Variants in LAMTOR3 observed in about 807,000 individuals in gnomAD.
LAMTOR3 encodes the protein ragulator complex protein LAMTOR3.
Under a neutral mutation model 20.3 loss-of-function variants are expected in LAMTOR3, and 14 were observed. That is an observed-to-expected ratio of 0.69 (90% confidence interval 0.46 to 1.08). The LOEUF (loss-of-function observed/expected upper bound fraction) is 1.08, where lower values mean the gene tolerates loss of function less well. LAMTOR3 is among the 50% of genes least tolerant of loss of function. LAMTOR3 has a pLI of 0.00. For synonymous variants in LAMTOR3, 40 were observed against 49.4 expected, an observed-to-expected ratio of 0.81 and a Z score of 0.80; for missense variants, 125 against 143.7, an observed-to-expected ratio of 0.87 and a Z score of 0.67.
intron 3 of LAMTOR3, among the ~76,000 whole-genome samples, chr4:99,889,522 T>C (rs1724986865): frequency 6.6e-6 from 1 of 152,222 alleles, no homozygotes; most frequent in African/African-American, 2.4e-5. Flanking sequence ...GAACAGTGTA[T>C]AGAAGAAGCA....
At chr4:99,891,064 G>A (rs1725012990) in intron 3 of LAMTOR3, among the ~76,000 whole-genome samples, 4 of 151,994 alleles carry the variant, frequency 2.6e-5, no homozygotes, top group Admixed American at 2.0e-4. Flanking sequence ...CTTTCTGGTC[G>A]GTTTATAACT....
Position 99,881,156 on chromosome 4 carries a change from A to C in LAMTOR3, c.*838T>G, listed in dbSNP as rs1324349310. 5.9e-5 allele frequency: 9 copies of C among 152,210 alleles called. No individual in the cohort carries two copies. 9.4% of individuals were successfully genotyped at this position (152,210 alleles called of 1,614,324 possible). On this transcript the variant is annotated 3_prime_UTR_variant, in exon 7 of 7. Transcript: ENST00000499666. ...GAAAGAGTATATTAATTATGTTTAG[A>C]TTTTTGGAAAAAGTCTGAACAAAAA...
intron 5 of LAMTOR3, 97 bp downstream of exon 5, chr4:99,885,445 C>T: frequency 9.1e-7 from 1 of 1,100,360 alleles, no homozygotes; most frequent in Non-Finnish European, 1.2e-6. Flanking sequence ...CTCTTCAAAA[C>T]TAAAATTGAG....
rs1049685149 is a variant in LAMTOR3, at chr4:99,882,083, T to G, written c.302-16A>C. On this transcript the variant is annotated splice_polypyrimidine_tract_variant and intron_variant, in intron 6 of 6. Transcript: ENST00000499666. ...ACAATTAGTCCTAAAATAAAGAGAT[T>G]AAGAAAATTACATGTTAGAAAAATG... The G allele has an allele frequency of 4.7e-6, 7 of 1,497,496 alleles. No homozygotes were observed. The highest frequency in any genetic ancestry group is 1.4e-5 in the African/African-American group (1 of 69,658). 92.8% of individuals were successfully genotyped at this position (1,497,496 alleles called of 1,614,324 possible). A position where few individuals can be genotyped will look rare whatever the true frequency, so the allele number is the denominator to read the frequency against.
intron 3 of LAMTOR3, among the ~76,000 whole-genome samples, chr4:99,890,186 T>G (rs1724997329): frequency 6.6e-6 from 1 of 152,218 alleles, no homozygotes; most frequent in Non-Finnish European, 1.5e-5. Flanking sequence ...AAACAAATGT[T>G]GCATTACTAA....
In LAMTOR3 at chr4:99,881,811, C is replaced by A. The variant is rs576991769; in HGVS notation, c.*183G>T. On this transcript the variant is annotated 3_prime_UTR_variant, in exon 7 of 7. Transcript: ENST00000499666. ...CTCACTAAATAAGAAAGACCCTACA[C>A]CAGAAAATATAGCAACTGATCTATC... 5.3e-6 allele frequency: 3 copies of A among 568,692 alleles called. No individual in the cohort carries two copies. The highest frequency in any genetic ancestry group is 2.2e-5 in the South Asian group (1 of 46,094). The allele number at this position is 568,692 out of a possible 1,614,324, so 35.2% of individuals were successfully genotyped here.
At chr4:99,892,659 T>C (rs1234286162) in intron 2 of LAMTOR3, among the ~76,000 whole-genome samples, 1 of 151,558 alleles carries the variant, frequency 6.6e-6, no homozygotes, top group African/African-American at 2.4e-5. Flanking sequence ...AAATAAATTC[T>C]ATATGACTAT....
chr4:99,893,473 A>G (rs1725063511), intron 2 of LAMTOR3, among the ~76,000 whole-genome samples: 1 of 136,464 alleles, frequency 7.3e-6, no homozygotes, highest in South Asian at 2.1e-4. Flanking sequence ...TTATCCTCCT[A>G]CACACACACA....
chr4:99,892,580 A>G (rs1429198537), intron 2 of LAMTOR3, among the ~76,000 whole-genome samples: 1 of 152,180 alleles, frequency 6.6e-6, no homozygotes, highest in Non-Finnish European at 1.5e-5. Flanking sequence ...CACCTACTCA[A>G]CAAATAATGA....
intron 2 of LAMTOR3, among the ~76,000 whole-genome samples, chr4:99,893,214 A>G (rs978458596): frequency 2.0e-5 from 3 of 151,952 alleles, no homozygotes; most frequent in Non-Finnish European, 4.4e-5. Flanking sequence ...GGGTCTTGCT[A>G]TGTTGCCCAG....
Position 99,878,476 on chromosome 4 carries a change from C to T in LAMTOR3, c.*3518G>A, listed in dbSNP as rs183981336. 17 of 152,302 alleles carry T rather than the reference C, an allele frequency of 1.1e-4. No individual in the cohort carries two copies. The highest frequency in any genetic ancestry group is 6.5e-4 in the Admixed American group (10 of 15,294). The allele number at this position is 152,302 out of a possible 1,614,324, so 9.4% of individuals were successfully genotyped here. ...TACAATGAAGTTTACAATGAAAAGG[C>T]TCACTCCTGGGATCCTTATCCCCCA... On this transcript the variant is annotated 3_prime_UTR_variant, in exon 7 of 7. Transcript: ENST00000499666.
At position 99,892,046 on chromosome 4, in the gene LAMTOR3, C is replaced by T. The variant is rs1725032110; in HGVS notation, c.10-12G>A. The T allele has an allele frequency of 6.4e-7, 1 of 1,561,896 alleles. No homozygotes were observed. The highest frequency in any genetic ancestry group is 1.4e-5 in the African/African-American group (1 of 70,922). On this transcript the variant is annotated splice_polypyrimidine_tract_variant and intron_variant, in intron 2 of 6. Coordinates refer to ENST00000499666, the MANE Select transcript of LAMTOR3 (RefSeq NM_021970.4). ...AATCGCTTTAGGTCCTGAAAGAGAG[C>T]ATTAAAAAATAATGTTGTAATAATA...
In LAMTOR3 at chr4:99,881,426, A is replaced by G. The variant is rs1428614594; in HGVS notation, c.*568T>C. On this transcript the variant is annotated 3_prime_UTR_variant, in exon 7 of 7. Coordinates refer to ENST00000499666, the MANE Select transcript of LAMTOR3 (RefSeq NM_021970.4). ...TTTCATTAAAGAGCAGCACCCTCTG[A>G]GAATAATCAAACTGATTAGTAATAT... is the stretch of plus-strand genomic sequence containing the variant. 6.6e-6 allele frequency: 1 copy of G among 152,244 alleles called. No homozygotes were observed. The highest frequency in any genetic ancestry group is 1.5e-5 in the Non-Finnish European group (1 of 68,034). The allele number at this position is 152,244 out of a possible 1,614,324, so 9.4% of individuals were successfully genotyped here. A position where few individuals can be genotyped will look rare whatever the true frequency, so the allele number is the denominator to read the frequency against.
In LAMTOR3 at chr4:99,879,220, C is replaced by G. The variant is rs1205367428; in HGVS notation, c.*2774G>C. 6.6e-6 allele frequency: 1 copy of G among 152,036 alleles called. No homozygotes were observed. The highest frequency in any genetic ancestry group is 1.5e-5 in the Non-Finnish European group (1 of 68,008). 9.4% of individuals were successfully genotyped at this position (152,036 alleles called of 1,614,324 possible). A position where few individuals can be genotyped will look rare whatever the true frequency, so the allele number is the denominator to read the frequency against. On this transcript the variant is annotated 3_prime_UTR_variant, in exon 7 of 7. Transcript: ENST00000499666. ...GTCTTTTTTCTGGGTGAGTACATAC[C>G]ATTGATATCTAGTTGTGCATTCAGT...
intron 3 of LAMTOR3, among the ~76,000 whole-genome samples, chr4:99,890,024 C>T (rs539879122): frequency 2.4e-4 from 36 of 152,012 alleles, no homozygotes; most frequent in African/African-American, 7.5e-4. Context: ...ACATACAATG[C>T]GCAAAGAGTA....
intron 2 of LAMTOR3, among the ~76,000 whole-genome samples, chr4:99,892,617 G>A (rs1005085938): frequency 4.0e-5 from 6 of 151,180 alleles, no homozygotes; most frequent in Admixed American, 4.0e-4. Context: ...TTATTATAAC[G>A]TAATTTTTAA....
At chr4:99,882,476 T>A (rs1271715762) in intron 6 of LAMTOR3, among the ~76,000 whole-genome samples, 1 of 152,110 alleles carries the variant, frequency 6.6e-6, no homozygotes, top group Non-Finnish European at 1.5e-5. Flanking sequence ...CATTAATAAG[T>A]TTATTTTCAG....
At position 99,879,706 on chromosome 4, in the gene LAMTOR3, T is replaced by C. The variant is rs1438008100; in HGVS notation, c.*2288A>G. 2 of 150,110 alleles carry C rather than the reference T, an allele frequency of 1.3e-5. No individual in the cohort carries two copies. Among genetic ancestry groups the C allele is most frequent in the Admixed American group, 1.3e-4 (2 of 15,050 alleles). The allele number at this position is 150,110 out of a possible 1,614,324, so 9.3% of individuals were successfully genotyped here. ...TCATCATTATGTGAACATCATACTG[T>C]ACTGACAGGAACCCCAGATGGTATA... On this transcript the variant is annotated 3_prime_UTR_variant, in exon 7 of 7. Transcript: ENST00000499666.
intron 1 of LAMTOR3, 56 bp from the exon 2 acceptor site, chr4:99,894,056 C>T: frequency 8.6e-7 from 1 of 1,160,212 alleles, no homozygotes; most frequent in Non-Finnish European, 1.2e-6. Flanking sequence ...TCCTCCCCAC[C>T]CACAACTTAA....
Sources: allele counts gnomAD v4.1 joint callset (sites outside exome capture counted in the v4.1 genomes callset), GRCh38; gene constraint gnomAD v4.1.1; transcripts MANE v1.5; gene names NCBI Gene and HGNC (gene_info 2026-07-23, HGNC 2026-07-21).